The following ZNF148 variants were observed in gnomAD, a reference collection of about 807,000 sequenced individuals.
ZNF148 encodes zinc finger protein 148, also known as Beta-Enolase Repressor Factor-1.
In ZNF148, 7 loss-of-function variants were observed where a neutral mutation model predicts 67.7. The ratio of observed to expected loss-of-function variants is 0.10; its 90% CI spans 0.06 to 0.19. ZNF148 has a LOEUF of 0.19. Among genes scored for constraint, ZNF148 ranks in the 10% least tolerant of loss-of-function variants. ZNF148 has a pLI of 1.00. For synonymous variants in ZNF148, 333 were observed against 330.7 expected (o/e 1.01, Z -0.08); for missense variants, 583 against 947.1 (o/e 0.62, Z 5.05).
At chr3:125,372,063 CA>C (rs35024355) in intron 1 of ZNF148, among the ~76,000 whole-genome samples, 80,980 of 115,730 alleles carry the variant, frequency 0.7, 26,307 homozygotes, top group Middle Eastern at 0.72. Context: ...GACTCCGTCT[CA>C]AAAAAAAAAA....
intron 2 of ZNF148, among the ~76,000 whole-genome samples, chr3:125,324,348 T>C (rs143539289): frequency 0.013 from 2,049 of 152,236 alleles, 24 homozygotes; most frequent in South Asian, 0.031. Context: ...CATAAAATTC[T>C]AGTGGCCAAA....
chr3:125,299,631 G>A (rs1939482425), intron 4 of ZNF148, among the ~76,000 whole-genome samples: 1 of 152,160 alleles, frequency 6.6e-6, no homozygotes. Flanking sequence ...TGAGGATACT[G>A]AAAAATAGAC....
At chr3:125,300,891 A>G (rs1939551637) in intron 4 of ZNF148, among the ~76,000 whole-genome samples, 1 of 152,244 alleles carries the variant, frequency 6.6e-6, no homozygotes, top group Non-Finnish European at 1.5e-5. Flanking sequence ...AATAAAGACC[A>G]TAAAAATTTA....
At chr3:125,352,662 TAA>T (rs34630272) in intron 1 of ZNF148, among the ~76,000 whole-genome samples, 2,393 of 137,980 alleles carry the variant, frequency 0.017, 41 homozygotes, top group African/African-American at 0.046. Context: ...ACCTCTATCT[TAA>T]AAAAAAAAAA....
chr3:125,339,514 A>C (rs1941629324), intron 1 of ZNF148, among the ~76,000 whole-genome samples: 1 of 152,226 alleles, frequency 6.6e-6, no homozygotes, highest in African/African-American at 2.4e-5. Context: ...ACAGTAAAAC[A>C]GTATGCATCT....
Position 125,235,812 on chromosome 3 carries a change from A to G in ZNF148, c.668-1483T>C, listed in dbSNP as rs182900519. ...CATGTCCTTTGTAGGGACATGGATG[A>G]AGCTGGAAACCATCATTCTCAGCAA... On this transcript the variant is annotated intron_variant, in intron 7 of 8. Transcript: ENST00000360647. 2.3e-3 allele frequency among the ~76,000 whole-genome samples: 345 copies of G among 151,978 alleles called. 5 individuals are homozygous for G. The highest frequency in any genetic ancestry group is 2.6e-4 in the Non-Finnish European group (18 of 67,972).
chr3:125,296,240 G>A (rs1939278112), intron 4 of ZNF148, among the ~76,000 whole-genome samples: 1 of 151,800 alleles, frequency 6.6e-6, no homozygotes, highest in Admixed American at 6.6e-5. Context: ...TCATGCCTCA[G>A]CCTTTGGAGT....
At chr3:125,358,991 C>A (rs1942454662) in intron 1 of ZNF148, among the ~76,000 whole-genome samples, 1 of 152,224 alleles carries the variant, frequency 6.6e-6, no homozygotes, top group Non-Finnish European at 1.5e-5. Context: ...CTTCCCATCA[C>A]CTTCTTTAAG....
At chr3:125,349,969 AAATAAC>A (rs1212923556) in intron 1 of ZNF148, among the ~76,000 whole-genome samples, 3 of 152,368 alleles carry the variant, frequency 2.0e-5, no homozygotes, top group South Asian at 2.1e-4. Context: ...CATTATCCAA[AAATAAC>A]AATAACAAGT....
chr3:125,244,008 G>A (rs749663574), intron 7 of ZNF148, among the ~76,000 whole-genome samples: 4 of 152,136 alleles, frequency 2.6e-5, no homozygotes, highest in African/African-American at 4.8e-5. Flanking sequence ...GTGATTTCAA[G>A]AATGACACAA....
intron 7 of ZNF148, among the ~76,000 whole-genome samples, chr3:125,259,608 T>C (rs1205378980): frequency 6.6e-6 from 1 of 152,212 alleles, no homozygotes; most frequent in African/African-American, 2.4e-5. Context: ...TACTATAGCC[T>C]ATTAAGTGTA....
chr3:125,337,264 C>CT (rs1223914692), intron 1 of ZNF148, among the ~76,000 whole-genome samples: 1 of 152,014 alleles, frequency 6.6e-6, no homozygotes, highest in Non-Finnish European at 1.5e-5. Context: ...AAAAGTGATG[C>CT]TACAAAAGCA....
chr3:125,258,445 A>AGG (rs1553809016), intron 7 of ZNF148, among the ~76,000 whole-genome samples: 154 of 144,930 alleles, frequency 1.1e-3, no homozygotes, highest in Non-Finnish European at 1.7e-3. Context: ...AAAAAAAAAA[A>AGG]GGGGGATAGC....
At chr3:125,357,165 C>G (rs950971108) in intron 1 of ZNF148, 1 of 152,252 alleles carries the variant, frequency 6.6e-6, no homozygotes, top group Non-Finnish European at 1.5e-5. Context: ...GGGGTCCTGA[C>G]TGCGCCAGCG....
chr3:125,321,893 A>G (rs1236641735), intron 3 of ZNF148, among the ~76,000 whole-genome samples: 2 of 151,736 alleles, frequency 1.3e-5, no homozygotes, highest in African/African-American at 4.8e-5. Context: ...TTTTTTTTTT[A>G]ATTACATGAG....
At chr3:125,301,254 G>A (rs749675783) in intron 4 of ZNF148, among the ~76,000 whole-genome samples, 9 of 152,240 alleles carry the variant, frequency 5.9e-5, no homozygotes, top group South Asian at 2.1e-4. Context: ...GCTCATGCCT[G>A]TAATCCCAGC....
At chr3:125,333,534 A>G (rs539421213) in intron 1 of ZNF148, among the ~76,000 whole-genome samples, 61 of 59,430 alleles carry the variant, frequency 1.0e-3, no homozygotes, top group African/African-American at 5.1e-3. Context: ...CTCAACCAAG[A>G]AGGGGGGAAG....
chr3:125,366,339 T>C (rs1942701821), intron 1 of ZNF148, among the ~76,000 whole-genome samples: 1 of 152,188 alleles, frequency 6.6e-6, no homozygotes. Flanking sequence ...CACTACATCA[T>C]ATCAAATACA....
At chr3:125,281,274 T>C (rs1029873818) in intron 5 of ZNF148, among the ~76,000 whole-genome samples, 2 of 152,250 alleles carry the variant, frequency 1.3e-5, no homozygotes, top group South Asian at 2.1e-4. Context: ...TCTGGGCCAG[T>C]CAGTTTTGAA....
Sources: allele counts gnomAD v4.1 joint callset (sites outside exome capture counted in the v4.1 genomes callset), GRCh38; gene constraint gnomAD v4.1.1; transcripts MANE v1.5; gene names NCBI Gene and HGNC (gene_info 2026-07-23, HGNC 2026-07-21).